ME1: variants seen among roughly 807,000 people sequenced by gnomAD.
ME1 encodes the protein NADP-dependent malic enzyme.
Under a neutral mutation model 66.4 loss-of-function variants are expected in ME1, and 74 were observed. The observed-to-expected ratio is 1.11, with a 90% CI of 0.92 to 1.35. The LOEUF (loss-of-function observed/expected upper bound fraction) is 1.35, where lower values mean the gene tolerates loss of function less well. ME1 is among the 40% of genes most tolerant of loss of function. ME1 has a pLI of 0.00. For missense variants in ME1, 750 were observed against 694.1 expected (o/e 1.08, Z -0.90); for synonymous variants, 251 against 235.6 (o/e 1.07, Z -0.60).
At chr6:83,249,564 G>T (rs540170968) in intron 7 of ME1, among the ~76,000 whole-genome samples, 1 of 152,180 alleles carries the variant, frequency 6.6e-6, no homozygotes, top group South Asian at 2.1e-4. Context: ...AGTTTATAGG[G>T]TATTTCTACA....
In ME1 at chr6:83,385,104, T is replaced by C. The variant is rs942514635; in HGVS notation, c.362+13263A>G. Among the ~76,000 whole-genome samples, 134 of 152,034 alleles carry C rather than the reference T, an allele frequency of 8.8e-4. 1 individual carries two copies. Among genetic ancestry groups the C allele is most frequent in the African/African-American group, 3.1e-3 (130 of 41,396 alleles). ...CTATTTCCACCAACTGTTTCTCACA[T>C]GACAAGTTTTCAGTAACTGTCACTG... On this transcript the variant is annotated intron_variant, in intron 3 of 13. Transcript: ENST00000369705.
At chr6:83,251,132 C>A (rs1365382479) in intron 7 of ME1, among the ~76,000 whole-genome samples, 1 of 152,120 alleles carries the variant, frequency 6.6e-6, no homozygotes, top group African/African-American at 2.4e-5. Flanking sequence ...CAGTGATGAA[C>A]AAAATACCCA....
At chr6:83,244,432 T>G (rs1790578818) in intron 7 of ME1, among the ~76,000 whole-genome samples, 1 of 152,108 alleles carries the variant, frequency 6.6e-6, no homozygotes, top group Admixed American at 6.6e-5. Flanking sequence ...GGTCAGATCA[T>G]GTAGGGCCTT....
At chr6:83,270,310 G>A (rs1210418071) in intron 6 of ME1, among the ~76,000 whole-genome samples, 1 of 151,774 alleles carries the variant, frequency 6.6e-6, no homozygotes, top group Non-Finnish European at 1.5e-5. Flanking sequence ...TTTTGAAGTT[G>A]TTAGCTAAAC....
intron 7 of ME1, among the ~76,000 whole-genome samples, chr6:83,250,071 A>G (rs1790696453): frequency 6.6e-6 from 1 of 152,060 alleles, no homozygotes; most frequent in African/African-American, 2.4e-5. Context: ...ATCATGATAC[A>G]TTTACAGTAT....
intron 2 of ME1, among the ~76,000 whole-genome samples, chr6:83,404,769 T>G (rs1024594595): frequency 6.6e-6 from 1 of 152,246 alleles, no homozygotes; most frequent in African/African-American, 2.4e-5. Context: ...AGGGAATCCT[T>G]TCTCCATTGC....
intron 4 of ME1, among the ~76,000 whole-genome samples, chr6:83,350,299 G>T (rs1362379092): frequency 1.3e-5 from 2 of 152,132 alleles, no homozygotes; most frequent in African/African-American, 2.4e-5. Flanking sequence ...AGAGTCCAAA[G>T]GATAAAAGTA....
intron 10 of ME1, among the ~76,000 whole-genome samples, chr6:83,227,937 G>T (rs578236112): frequency 1.3e-5 from 2 of 152,202 alleles, no homozygotes; most frequent in Non-Finnish European, 2.9e-5. Context: ...GAAGAATAAA[G>T]CAATTAGCAT....
chr6:83,403,254 T>C (rs371782393), intron 2 of ME1, among the ~76,000 whole-genome samples: 1 of 152,194 alleles, frequency 6.6e-6, no homozygotes, highest in Non-Finnish European at 1.5e-5. Flanking sequence ...TTTGAGGAGA[T>C]TCATATGGGT....
At chr6:83,345,900 T>G (rs936837734) in intron 5 of ME1, among the ~76,000 whole-genome samples, 2 of 152,126 alleles carry the variant, frequency 1.3e-5, no homozygotes, top group Non-Finnish European at 2.9e-5. Context: ...TGCCTTAAAG[T>G]AAAACATATA....
At chr6:83,392,756 G>T (rs1032369301) in intron 3 of ME1, 4 of 660,172 alleles carry the variant, frequency 6.1e-6, no homozygotes, top group African/African-American at 1.8e-5. Flanking sequence ...CACTTGGAGG[G>T]AGGAGCCAAA....
chr6:83,328,594 A>T (rs1334620749), intron 5 of ME1, among the ~76,000 whole-genome samples: 2 of 152,216 alleles, frequency 1.3e-5, no homozygotes, highest in African/African-American at 4.8e-5. Context: ...AAAAATTAGT[A>T]TCTACAAAAA....
intron 5 of ME1, among the ~76,000 whole-genome samples, chr6:83,320,877 G>A (rs1768156996): frequency 1.3e-5 from 2 of 152,148 alleles, no homozygotes; most frequent in African/African-American, 4.8e-5. Context: ...TGACCAAATA[G>A]GAACAGCTCC....
chr6:83,212,823 T>C (rs1789919547), intron 13 of ME1, among the ~76,000 whole-genome samples: 1 of 152,148 alleles, frequency 6.6e-6, no homozygotes, highest in Admixed American at 6.6e-5. Flanking sequence ...CAAGCTTCCA[T>C]TTGACTCTCA....
intron 3 of ME1, among the ~76,000 whole-genome samples, chr6:83,397,266 A>G (rs541879795): frequency 8.5e-5 from 13 of 152,204 alleles, no homozygotes; most frequent in Non-Finnish European, 1.8e-4. Context: ...AAGGAACTCA[A>G]ATAACTCAGT....
intron 3 of ME1, among the ~76,000 whole-genome samples, chr6:83,373,110 C>T (rs191628412): frequency 9.9e-5 from 15 of 152,200 alleles, no homozygotes; most frequent in Admixed American, 8.5e-4. Flanking sequence ...TTATTAAATT[C>T]GAGCATTTAT....
intron 5 of ME1, among the ~76,000 whole-genome samples, chr6:83,317,294 C>A (rs1027020689): frequency 2.0e-5 from 3 of 152,180 alleles, no homozygotes; most frequent in Non-Finnish European, 4.4e-5. Context: ...CTTGACTAGA[C>A]AAAAGGAACT....
intron 7 of ME1, among the ~76,000 whole-genome samples, chr6:83,252,078 T>A (rs28520401): frequency 6.6e-6 from 1 of 152,042 alleles, no homozygotes; most frequent in Non-Finnish European, 1.5e-5. Context: ...ATTTTGATGA[T>A]AGGAAATGCA....
At chr6:83,272,810 A>G (rs1767109080) in intron 6 of ME1, among the ~76,000 whole-genome samples, 1 of 152,226 alleles carries the variant, frequency 6.6e-6, no homozygotes, top group Non-Finnish European at 1.5e-5. Context: ...ATTGATATTT[A>G]TATGTGTATT....
Sources: gnomAD v4.1 joint callset for allele counts (sites outside exome capture counted in the v4.1 genomes callset) on GRCh38, gnomAD v4.1.1 for gene constraint, MANE v1.5 for transcripts, NCBI Gene and HGNC (gene_info 2026-07-23, HGNC 2026-07-21) for gene names.